Variants in GRM6 observed in about 807,000 individuals in gnomAD.
The protein encoded by GRM6 is metabotropic glutamate receptor 6.
In GRM6, 73 loss-of-function variants were observed where a neutral mutation model predicts 78.4. That is an observed-to-expected ratio of 0.93 (90% CI 0.77 to 1.13). The LOEUF is 1.13. Ranked by LOEUF, GRM6 falls within the 50% of genes most tolerant of loss-of-function variation. GRM6 has a pLI of 0.00. For missense variants in GRM6, 1,251 were observed against 1,256.4 expected, an observed-to-expected ratio of 1.00 and a Z score of 0.07; for synonymous variants, 580 against 555.0, an observed-to-expected ratio of 1.05 and a Z score of -0.63.
rs371203733 is a variant in GRM6 at position 178,986,763 on chromosome 5, A to G, written c.1501-10T>C. On this transcript the variant is annotated splice_polypyrimidine_tract_variant and intron_variant, in intron 8 of 10. Coordinates refer to ENST00000517717, the MANE Select transcript of GRM6 (RefSeq NM_000843.4). Reference sequence around the variant, plus strand: ...ACTGCAGGGCCTCCACCTGGGACGCACAAAACACAGGCTGGGGCGTCTGCC... The same window carrying G: ...ACTGCAGGGCCTCCACCTGGGACGCGCAAAACACAGGCTGGGGCGTCTGCC... 885 of 1,609,438 alleles carry G rather than the reference A, an allele frequency of 5.5e-4. 2 individuals carry two copies. The highest frequency in any genetic ancestry group is 7.2e-4 in the Non-Finnish European group (847 of 1,179,552).
chr5:178,991,592 T>TTCCCC lies in GRM6; in HGVS notation c.722-34_722-33insGGGGA. 6.2e-7 allele frequency: 1 copy of TTCCCC among 1,605,612 alleles called. No homozygotes were observed. Among genetic ancestry groups the TTCCCC allele is most frequent in the Non-Finnish European group, 8.5e-7 (1 of 1,173,430 alleles). ...TTGGGGGTGCCAGAGTCAGCTTCCG[T>TTCCCC]CCCACCCACCCACACACCCACCTGG... On this transcript the variant is annotated intron_variant, in intron 3 of 10. Coordinates refer to ENST00000517717, the MANE Select transcript of GRM6 (RefSeq NM_000843.4). This position sits in a 1 kb window ranked among gnomAD's most constrained non-coding sequence, Gnocchi z 5.0.
chr5:178,993,541 T>C (rs367557571), intron 2 of GRM6, among the ~76,000 whole-genome samples: 9 of 147,932 alleles, frequency 6.1e-5, no homozygotes, highest in East Asian at 4.0e-4. Flanking sequence ...CGCCCGGGAG[T>C]CGGAGAAGCT....
intron 7 of GRM6, among the ~76,000 whole-genome samples, chr5:178,987,627 G>A (rs376562581): frequency 1.4e-4 from 22 of 152,184 alleles, no homozygotes; most frequent in Non-Finnish European, 2.5e-4. Context: ...GAGAGGGGCC[G>A]TGGAATGGCG....
chr5:178,989,415 G>A lies in GRM6; in HGVS notation c.1013-10C>T. Reference sequence around the variant, plus strand: ...AAGTACTGGTCAAATCCTACAGACAGGGAAGAAGGGGGAGGGTGGCGCTGA... The same window carrying A: ...AAGTACTGGTCAAATCCTACAGACAAGGAAGAAGGGGGAGGGTGGCGCTGA... On this transcript the variant is annotated splice_polypyrimidine_tract_variant and intron_variant, in intron 5 of 10. Transcript: ENST00000517717. The A allele has an allele frequency of 8.7e-6, 14 of 1,614,002 alleles. No homozygotes were observed. Among genetic ancestry groups the A allele is most frequent in the Non-Finnish European group, 1.1e-5 (13 of 1,180,008 alleles).
rs760777911 is a variant in GRM6, at chr5:178,992,080, G to A, written c.508C>T (p.Pro170Ser). 82 of 1,610,864 alleles carry A rather than the reference G, an allele frequency of 5.1e-5. No homozygotes were observed. The highest frequency in any genetic ancestry group is 6.8e-5 in the Non-Finnish European group (80 of 1,177,514). Residue 170 changes from proline (P) to serine (S), a missense_variant, in exon 3 of 11, where the codon CCC (proline) becomes TCC (serine). Transcript: ENST00000517717. This position sits in a 1 kb window ranked among gnomAD's most constrained non-coding sequence, Gnocchi z 4.9. ...VANVLRLFAIPQISYASTAPE... is the reference protein window; with the variant it reads ...VANVLRLFAISQISYASTAPE... The stretch of plus-strand genomic sequence containing the variant: ...GCTGTGGAGGCATAGCTGATCTGGG[G>A]TATCTGTGGGGCAGGAAGGACAGCT...
rs116145621 is a variant in GRM6 at position 178,984,941 on chromosome 5, T to C, written c.2124+1189A>G. Reference sequence around the variant, plus strand: ...TCACCCTCCCCAAGCCATCTGTCTCTCGTACTCTTCACACAGAAAACATCC... The same window carrying C: ...TCACCCTCCCCAAGCCATCTGTCTCCCGTACTCTTCACACAGAAAACATCC... On this transcript the variant is annotated intron_variant, in intron 9 of 10. Coordinates refer to ENST00000517717, the MANE Select transcript of GRM6 (RefSeq NM_000843.4). Among the ~76,000 whole-genome samples, 135 of 152,244 alleles carry C rather than the reference T, an allele frequency of 8.9e-4. 2 individuals are homozygous for C. Among genetic ancestry groups the C allele is most frequent in the African/African-American group, 3.1e-3 (130 of 41,558 alleles).
At chr5:178,989,864 G>T (rs1030487852) in intron 5 of GRM6, 2 of 267,176 alleles carry the variant, frequency 7.5e-6, no homozygotes, top group East Asian at 9.4e-5. Flanking sequence ...AATGGACAGA[G>T]CCCAGGGCTT....
At position 178,988,944 on chromosome 5, in the gene GRM6, G is replaced by C. The variant is rs149837815; in HGVS notation, c.1345C>G (p.Arg449Gly). 2 of 1,612,464 alleles carry C rather than the reference G, an allele frequency of 1.2e-6. No individual in the cohort carries two copies. Among genetic ancestry groups the C allele is most frequent in the Non-Finnish European group, 1.7e-6 (2 of 1,179,586 alleles). Reference sequence around the variant, plus strand: ...GCAGGCACCCACTCACCATTGAAGCGGACAGCTCGAATGTACTGCAGAAGC... The same window carrying C: ...GCAGGCACCCACTCACCATTGAAGCCGACAGCTCGAATGTACTGCAGAAGC... Reference protein sequence around the residue: ...RMLLQYIRAVRFNGSAGTPVM... With the variant: ...RMLLQYIRAVGFNGSAGTPVM... The change falls in exon 7 of 11, where the codon CGC (arginine) becomes GGC (glycine). Residue 449 changes from arginine to glycine, a missense_variant. Coordinates refer to ENST00000517717, the MANE Select transcript of GRM6 (RefSeq NM_000843.4). The surrounding 1 kb of genome is among the most constrained non-coding windows in gnomAD (Gnocchi z 6.0).
chr5:178,989,435 C>T (rs375387775), intron 5 of GRM6, 30 bp from the exon 6 acceptor site: 6 of 1,613,330 alleles, frequency 3.7e-6, no homozygotes, highest in Admixed American at 1.7e-5. Flanking sequence ...GGGAGGGTGG[C>T]GCTGACCTGA....
At chr5:178,995,043 G>A (rs1012173516) in intron 1 of GRM6, 83 bp from the exon 2 acceptor site, 1 of 791,232 alleles carries the variant, frequency 1.3e-6, no homozygotes, top group Non-Finnish European at 1.6e-6. Context: ...GGGACACCGG[G>A]GTCCTGGGGA....
chr5:178,994,193 G>A (rs913492193), intron 2 of GRM6, among the ~76,000 whole-genome samples: 4 of 152,240 alleles, frequency 2.6e-5, no homozygotes, highest in African/African-American at 7.2e-5. Flanking sequence ...GGCCAGAGGC[G>A]TAGGTGGCAC....
rs2645331 is a variant in GRM6, at chr5:178,994,156, A to T, written c.504+285T>A. The stretch of plus-strand genomic sequence containing the variant: ...CGAGCAGGCTGGCAAATGGGGGCTG[A>T]AGTCAGGCCGCCCTCCCCAGCCAAC... On this transcript the variant is annotated intron_variant, in intron 2 of 10. Coordinates refer to ENST00000517717, the MANE Select transcript of GRM6 (RefSeq NM_000843.4). 0.98 allele frequency among the ~76,000 whole-genome samples: 148,543 copies of T among 152,240 alleles called. 72,573 individuals carry two copies. The highest frequency in any genetic ancestry group is 1 in the East Asian group (5,114 of 5,114).
In GRM6 at chr5:178,994,517, T is replaced by C; in HGVS notation, c.428A>G (p.Glu143Gly). Residue 143 changes from glutamate to glycine, a missense_variant, in exon 2 of 11, where the codon GAG becomes GGG. Coordinates refer to ENST00000517717, the MANE Select transcript of GRM6 (RefSeq NM_000843.4). ...GGCGCCCACGACGGCCACGACGCGCTCGGGGGGCGCGGGGCGCAGCGGAGG... is the reference window on the plus strand; with the variant it reads ...GGCGCCCACGACGGCCACGACGCGCCCGGGGGGCGCGGGGCGCAGCGGAGG... The part of the protein sequence containing the change: ...GVPPLRPAPP[E>G]RVVAVVGASA... The C allele has an allele frequency of 7.1e-7, 1 of 1,410,184 alleles. No individual in the cohort carries two copies. Among genetic ancestry groups the C allele is most frequent in the Non-Finnish European group, 9.2e-7 (1 of 1,088,022 alleles). 87.4% of individuals were successfully genotyped at this position (1,410,184 alleles called of 1,614,324 possible). A position where few individuals can be genotyped will look rare whatever the true frequency, so the allele number is the denominator to read the frequency against.
intron 5 of GRM6, 125 bp from the exon 6 acceptor site, chr5:178,989,530 ACTAGGCATGGCCAGGTGAG>A: frequency 8.3e-7 from 1 of 1,198,612 alleles, no homozygotes; most frequent in South Asian, 1.3e-5. Context: ...GGCCAGGTGA[ACTAGGCATGGCCAGGTGAG>A]CTAGGAGTGG....
At position 178,989,143 on chromosome 5, in the gene GRM6, A is replaced by C. The variant is rs749785279; in HGVS notation, c.1154-8T>G. The C allele has an allele frequency of 6.2e-7, 1 of 1,613,018 alleles. No homozygotes were observed. Among genetic ancestry groups the C allele is most frequent in the South Asian group, 1.1e-5 (1 of 90,854 alleles). ...GGCCGATGCGTTCCTCGCCTGTCCT[A>C]GGGATGCCCAGAGAAAGTGTGCCCG... On this transcript the variant is annotated splice_region_variant and splice_polypyrimidine_tract_variant and intron_variant, in intron 6 of 10. Transcript: ENST00000517717.
Position 178,986,186 on chromosome 5 carries a change from G to GA in GRM6, c.2067dup (p.Pro690SerfsTer37), listed in dbSNP as rs1222659546. The GA allele has an allele frequency of 1.2e-6, 2 of 1,614,030 alleles. No homozygotes were observed. Among genetic ancestry groups the GA allele is most frequent in the East Asian group, 2.2e-5 (1 of 44,882 alleles). On this transcript the variant is annotated frameshift_variant, in exon 9 of 11. Transcript: ENST00000517717. LOFTEE classifies it high-confidence loss of function. The stretch of plus-strand genomic sequence containing the variant: ...AGCTGTGAGGTGGGGCTGATGAAGG[G>GA]AGGGGGTGTGACCGAGCGCTTGCCC...
chr5:178,986,044 G>A (rs1760533330), intron 9 of GRM6, 86 bp downstream of exon 9: 1 of 1,259,086 alleles, frequency 7.9e-7, no homozygotes, highest in South Asian at 1.4e-5. Flanking sequence ...CTACAGGCGT[G>A]TGCCACTGTG....
chr5:178,987,712 G>A (rs1278894421), intron 7 of GRM6, among the ~76,000 whole-genome samples: 1 of 152,118 alleles, frequency 6.6e-6, no homozygotes, highest in Non-Finnish European at 1.5e-5. Context: ...TAGATGAAGA[G>A]TTCTGGGGAT....
At chr5:178,985,569 G>T (rs565933836) in intron 9 of GRM6, 9 of 339,748 alleles carry the variant, frequency 2.6e-5, no homozygotes, top group South Asian at 9.0e-5. Flanking sequence ...CGGGCGTGGT[G>T]GCGGGCGCCT....
Sources: allele counts gnomAD v4.1 joint callset (sites outside exome capture counted in the v4.1 genomes callset), GRCh38; gene constraint gnomAD v4.1.1; non-coding constraint Gnocchi (gnomAD v3.1); transcripts MANE v1.5; gene names NCBI Gene and HGNC (gene_info 2026-07-23, HGNC 2026-07-21).